CCDC192: variants seen among roughly 807,000 people sequenced by gnomAD.
The protein encoded by CCDC192 is coiled-coil domain containing 192.
At chr5:127,719,763 A>G (rs577128716) in intron 2 of CCDC192, among the ~76,000 whole-genome samples, 104 of 151,178 alleles carry the variant, frequency 6.9e-4, no homozygotes, top group African/African-American at 2.4e-3. Context: ...GAGGCTTCAG[A>G]AAACTTATAA....
At chr5:127,825,644 T>G (rs1198710686) in intron 5 of CCDC192, among the ~76,000 whole-genome samples, 1 of 152,238 alleles carries the variant, frequency 6.6e-6, no homozygotes. Flanking sequence ...TCCAAACATA[T>G]ACATTCTTCC....
intron 5 of CCDC192, among the ~76,000 whole-genome samples, chr5:127,856,687 A>G (rs1039452532): frequency 1.3e-5 from 2 of 152,228 alleles, no homozygotes; most frequent in Non-Finnish European, 2.9e-5. Context: ...TTGTAGGGTT[A>G]TTGATTGACC....
At chr5:127,850,991 A>T (rs1750771607) in intron 5 of CCDC192, among the ~76,000 whole-genome samples, 1 of 152,018 alleles carries the variant, frequency 6.6e-6, no homozygotes, top group African/African-American at 2.4e-5. Flanking sequence ...CAACAAACAA[A>T]CAAAGCATCA....
chr5:127,878,642 C>T (rs1259507196), intron 6 of CCDC192, among the ~76,000 whole-genome samples: 3 of 152,166 alleles, frequency 2.0e-5, no homozygotes, highest in Non-Finnish European at 4.4e-5. Flanking sequence ...GGTGAAAGAG[C>T]AAGACTCTGT....
chr5:127,907,871 C>T (rs900320521), intron 6 of CCDC192, among the ~76,000 whole-genome samples: 3 of 152,146 alleles, frequency 2.0e-5, no homozygotes, highest in African/African-American at 2.4e-5. Flanking sequence ...ACTGAAAATC[C>T]AGATATTTAA....
chr5:127,936,927 G>A (rs1316142817), intron 6 of CCDC192, among the ~76,000 whole-genome samples: 1 of 152,180 alleles, frequency 6.6e-6, no homozygotes, highest in Admixed American at 6.5e-5. Context: ...TTACAGATGA[G>A]GGAGACTAGA....
intron 4 of CCDC192, among the ~76,000 whole-genome samples, chr5:127,797,842 C>T (rs909318772): frequency 6.9e-6 from 1 of 145,214 alleles, no homozygotes; most frequent in Non-Finnish European, 1.5e-5. Context: ...TTGCATTAAC[C>T]GTAGCACATC....
In CCDC192 at chr5:127,894,354, G is replaced by A. The variant is rs1215051900; in HGVS notation, c.535+18693G>A. Among the ~76,000 whole-genome samples the A allele has an allele frequency of 4.6e-5, 7 of 151,894 alleles. No homozygotes were observed. The East Asian group carries it at 1.4e-3, about 29-fold the overall frequency. ...ACTACAGGCGCCTGCCACCACGCCT[G>A]GCTAATTTTTTGTATTTTTAATAGA... On this transcript the variant is annotated intron_variant, in intron 6 of 6. Transcript: ENST00000514853.
intron 2 of CCDC192, among the ~76,000 whole-genome samples, chr5:127,726,554 C>G (rs1358911376): frequency 6.6e-6 from 1 of 152,222 alleles, no homozygotes; most frequent in Non-Finnish European, 1.5e-5. Flanking sequence ...ATCACTGCAG[C>G]TCCAGTCTGC....
At chr5:127,822,761 G>T (rs933242303) in intron 5 of CCDC192, among the ~76,000 whole-genome samples, 1 of 152,150 alleles carries the variant, frequency 6.6e-6, no homozygotes, top group Admixed American at 6.5e-5. Context: ...CAGGGCACAG[G>T]TCTCTGCAGT....
intron 5 of CCDC192, among the ~76,000 whole-genome samples, chr5:127,867,127 T>G (rs929038567): frequency 6.6e-6 from 1 of 152,222 alleles, no homozygotes; most frequent in Non-Finnish European, 1.5e-5. Context: ...TAATTAGGTT[T>G]TCCTTACTAC....
intron 2 of CCDC192, among the ~76,000 whole-genome samples, chr5:127,752,651 C>T (rs947921742): frequency 1.3e-5 from 2 of 152,254 alleles, no homozygotes; most frequent in Non-Finnish European, 2.9e-5. Context: ...CCAGTTAGAG[C>T]TTCCGGGCTG....
chr5:127,751,909 G>A (rs1017247178), intron 2 of CCDC192, among the ~76,000 whole-genome samples: 1 of 151,836 alleles, frequency 6.6e-6, no homozygotes, highest in Non-Finnish European at 1.5e-5. Context: ...GATCGCATCG[G>A]CTCCTGAGGC....
rs141813474 is a variant in CCDC192, at chr5:127,807,203, A to G, written c.411+9041A>G. 1.3e-3 allele frequency among the ~76,000 whole-genome samples: 194 copies of G among 152,344 alleles called. 1 individual carries two copies. The highest frequency in any genetic ancestry group is 4.4e-3 in the African/African-American group (185 of 41,594). ...TAACAGGTTATTCTAAAATTGAGTTATCCCTTACAGTAACTGTTCCCCAGT... is the reference window on the plus strand; with the variant it reads ...TAACAGGTTATTCTAAAATTGAGTTGTCCCTTACAGTAACTGTTCCCCAGT... On this transcript the variant is annotated intron_variant, in intron 5 of 6. Coordinates refer to ENST00000514853, the MANE Select transcript of CCDC192 (RefSeq NM_001317938.2).
At chr5:127,812,647 C>T (rs1284413402) in intron 5 of CCDC192, among the ~76,000 whole-genome samples, 1 of 152,190 alleles carries the variant, frequency 6.6e-6, no homozygotes, top group East Asian at 1.9e-4. Flanking sequence ...ATATTACTCA[C>T]TCATTCTTTC....
intron 6 of CCDC192, among the ~76,000 whole-genome samples, chr5:127,913,130 TC>T (rs1332233777): frequency 2.0e-5 from 3 of 152,196 alleles, no homozygotes; most frequent in Admixed American, 6.6e-5. Context: ...AAGTCCCAGC[TC>T]CATAATTTTT....
intron 2 of CCDC192, among the ~76,000 whole-genome samples, chr5:127,741,813 G>A (rs1753436126): frequency 6.6e-6 from 1 of 152,138 alleles, no homozygotes; most frequent in South Asian, 2.1e-4. Context: ...ATAAAGCAAT[G>A]TTACTAGAGA....
At chr5:127,928,331 T>C (rs1580836779) in intron 6 of CCDC192, among the ~76,000 whole-genome samples, 1 of 152,356 alleles carries the variant, frequency 6.6e-6, no homozygotes, top group South Asian at 2.1e-4. Flanking sequence ...TAGAGGAACA[T>C]ATCTTTCTTT....
intron 2 of CCDC192, among the ~76,000 whole-genome samples, chr5:127,721,569 A>T (rs888514432): frequency 6.6e-6 from 1 of 152,098 alleles, no homozygotes; most frequent in Admixed American, 6.6e-5. Flanking sequence ...CTTCTAACCT[A>T]TGCCCATTAC....
Sources: gnomAD v4.1 joint callset for allele counts (sites outside exome capture counted in the v4.1 genomes callset) on GRCh38, gnomAD v4.1.1 for gene constraint, MANE v1.5 for transcripts, NCBI Gene and HGNC (gene_info 2026-07-23, HGNC 2026-07-21) for gene names.